Variants in DSG1 observed in about 807,000 individuals in gnomAD.
DSG1 encodes desmoglein-1.
In DSG1, 39 loss-of-function variants were observed where a neutral mutation model predicts 97.5. The ratio of observed to expected loss-of-function variants is 0.40; its 90% CI spans 0.31 to 0.52. DSG1 has a LOEUF of 0.52. Ranked by LOEUF, DSG1 falls within the 20% of genes least tolerant of loss-of-function variation. The probability of loss-of-function intolerance (pLI) is 0.53; values close to 1 mark genes in which losing one functional copy is unlikely to be tolerated. For missense variants in DSG1, 1,311 were observed against 1,295.4 expected, an observed-to-expected ratio of 1.01 and a Z score of -0.18; for synonymous variants, 475 against 443.4, an observed-to-expected ratio of 1.07 and a Z score of -0.90.
chr18:31,324,845 G>A (rs929433185), intron 1 of DSG1, among the ~76,000 whole-genome samples: 12 of 152,146 alleles, frequency 7.9e-5, no homozygotes, highest in African/African-American at 2.2e-4. Context: ...GTCAGAGTTA[G>A]CTTTAAAACC....
At chr18:31,344,994 A>G (rs761022374) in intron 13 of DSG1, among the ~76,000 whole-genome samples, 31 of 152,180 alleles carry the variant, frequency 2.0e-4, no homozygotes, top group African/African-American at 6.3e-4. Flanking sequence ...TGATTTGTCC[A>G]TTTTCATTAA....
At chr18:31,318,734 T>TA (rs559593933) in intron 1 of DSG1, among the ~76,000 whole-genome samples, 1 of 56,018 alleles carries the variant, frequency 1.8e-5, no homozygotes, top group Non-Finnish European at 5.9e-5. Context: ...TTTTTTTTTA[T>TA]TTTTTTTGTG....
chr18:31,353,679 G>A (rs1360331696), intron 14 of DSG1, among the ~76,000 whole-genome samples: 28 of 151,754 alleles, frequency 1.8e-4, no homozygotes, highest in Admixed American at 1.1e-3. Context: ...GTGGTGCGCC[G>A]TTTTTTAAGC....
rs543194579 is a variant in DSG1 at position 31,335,586 on chromosome 18, T to C, written c.1006-768T>C. Among the ~76,000 whole-genome samples the C allele has an allele frequency of 3.3e-5, 5 of 151,710 alleles. No individual in the cohort carries two copies. In the South Asian group the frequency reaches 1.0e-3, roughly 32 times the overall value. On this transcript the variant is annotated intron_variant, in intron 8 of 14. Coordinates refer to ENST00000257192, the MANE Select transcript of DSG1 (RefSeq NM_001942.4). ...TTACATCCATTCTTTGAATTGCAAA[T>C]AAAACCAATATTAGAACAAAGATTC...
chr18:31,346,074 G>T lies in DSG1; in HGVS notation c.1976G>T (p.Gly659Val), dbSNP rs766806740. Residue 659 changes from glycine (G) to valine (V), a missense_variant, in exon 14 of 15, where the codon GGA becomes GTA. Around this residue, in one of 3 missense-constraint regions of DSG1, gnomAD observed 1,038 missense variants for 964.6 expected, o/e 1.08. Transcript: ENST00000257192. ...ATGACAGGATTTGAACTAACAGAGG[G>T]AGTTAAAACTTCAGGAATGCCTGAG... ...ERMTGFELTE[G>V]VKTSGMPEIC... 1.2e-6 allele frequency: 2 copies of T among 1,613,876 alleles called. No homozygotes were observed. The highest frequency in any genetic ancestry group is 1.1e-5 in the South Asian group (1 of 91,082).
intron 14 of DSG1, among the ~76,000 whole-genome samples, chr18:31,353,722 G>T (rs2071924267): frequency 6.6e-6 from 1 of 152,170 alleles, no homozygotes; most frequent in Non-Finnish European, 1.5e-5. Context: ...GGGTGGGAGT[G>T]ACCCGATTTT....
chr18:31,339,261 T>C (rs1001089565), intron 10 of DSG1, among the ~76,000 whole-genome samples: 1 of 152,084 alleles, frequency 6.6e-6, no homozygotes. Flanking sequence ...TTTATTAAAA[T>C]ACAAAAGAAT....
At position 31,335,264 on chromosome 18, in the gene DSG1, T is replaced by C. The variant is rs116637507; in HGVS notation, c.1005+1062T>C. ...GAGAGCACAGAACCTGCATAAGTTC[T>C]CATAGCTAGTAAGTAGTGCAGCCAA... On this transcript the variant is annotated intron_variant, in intron 8 of 14. Coordinates refer to ENST00000257192, the MANE Select transcript of DSG1 (RefSeq NM_001942.4). Among the ~76,000 whole-genome samples the C allele has an allele frequency of 5.9e-3, 895 of 152,334 alleles. 4 individuals are homozygous for C. The highest frequency in any genetic ancestry group is 0.021 in the African/African-American group (853 of 41,580).
intron 1 of DSG1, among the ~76,000 whole-genome samples, chr18:31,321,062 T>A (rs1192500640): frequency 6.6e-6 from 1 of 152,110 alleles, no homozygotes; most frequent in African/African-American, 2.4e-5. Context: ...AGTAACCATT[T>A]TCCCCCTCTT....
rs141909106 is a variant in DSG1, at chr18:31,334,945, C to T, written c.1005+743C>T. Among the ~76,000 whole-genome samples the T allele has an allele frequency of 4.8e-4, 73 of 152,262 alleles. 1 individual carries two copies. The highest frequency in any genetic ancestry group is 3.4e-3 in the Middle Eastern group (1 of 294). On this transcript the variant is annotated intron_variant, in intron 8 of 14. Coordinates refer to ENST00000257192, the MANE Select transcript of DSG1 (RefSeq NM_001942.4). ...CACAGTCGATTTTTAAAATCTACAA[C>T]AGCTGTTTATGGATTGTATATGTTG... is the stretch of plus-strand genomic sequence containing the variant.
chr18:31,335,162 T>C (rs1373218898), intron 8 of DSG1, among the ~76,000 whole-genome samples: 1 of 152,186 alleles, frequency 6.6e-6, no homozygotes, highest in East Asian at 1.9e-4. Context: ...GCAGGTGCTT[T>C]AGTTTATCCC....
chr18:31,334,806 C>G (rs961607642), intron 8 of DSG1, among the ~76,000 whole-genome samples: 1 of 152,054 alleles, frequency 6.6e-6, no homozygotes, highest in Non-Finnish European at 1.5e-5. Context: ...TTATGTCCTC[C>G]CCATATTAAT....
At chr18:31,344,044 C>A (rs909076353) in intron 13 of DSG1, 49 bp downstream of exon 13, 1 of 1,281,826 alleles carries the variant, frequency 7.8e-7, no homozygotes, top group Non-Finnish European at 1.1e-6. Context: ...AGTAGGAAGT[C>A]TATTTTCTCT....
At chr18:31,343,757 G>A (rs1397278250) in intron 12 of DSG1, 169 bp from the exon 13 acceptor site, 1 of 1,178,478 alleles carries the variant, frequency 8.5e-7, no homozygotes, top group East Asian at 2.5e-5. Context: ...AAGTAACCAG[G>A]GAAGATTTTC....
At chr18:31,346,235 T>C in intron 14 of DSG1, 37 bp downstream of exon 14, 3 of 1,529,216 alleles carry the variant, frequency 2.0e-6, no homozygotes, top group South Asian at 2.3e-5. Context: ...TCGCCATCCA[T>C]GTGCCTGCTG....
chr18:31,351,238 T>C (rs941625252), intron 14 of DSG1, among the ~76,000 whole-genome samples: 5 of 150,042 alleles, frequency 3.3e-5, no homozygotes, highest in Non-Finnish European at 5.9e-5. Context: ...CCAGTAGTCA[T>C]TCAGGAGCAG....
At chr18:31,348,333 G>A (rs187489698) in intron 14 of DSG1, among the ~76,000 whole-genome samples, 227 of 151,846 alleles carry the variant, frequency 1.5e-3, no homozygotes, top group African/African-American at 4.7e-3. Flanking sequence ...ATTCCATGGC[G>A]TATATGTGCC....
In DSG1 at chr18:31,358,534, T is replaced by C. The variant is rs2144133660; in HGVS notation, c.*3188T>C. The stretch of plus-strand genomic sequence containing the variant: ...TCTTCAAAAATTACATTTTTTACTC[T>C]AGTAAGTAGATGTTTTTAGTTATCT... On this transcript the variant is annotated 3_prime_UTR_variant, in exon 15 of 15. Coordinates refer to ENST00000257192, the MANE Select transcript of DSG1 (RefSeq NM_001942.4). Among the ~76,000 whole-genome samples the C allele has an allele frequency of 6.6e-6, 1 of 152,216 alleles. No homozygotes were observed. Among genetic ancestry groups the C allele is most frequent in the Admixed American group, 6.5e-5 (1 of 15,284 alleles).
chr18:31,344,453 A>G, intron 13 of DSG1, among the ~76,000 whole-genome samples: 1 of 152,212 alleles, frequency 6.6e-6, no homozygotes, highest in East Asian at 1.9e-4. Flanking sequence ...AGGATTCAAA[A>G]TTGCTTTGAC....
Sources: allele counts gnomAD v4.1 joint callset (sites outside exome capture counted in the v4.1 genomes callset), GRCh38; gene constraint gnomAD v4.1.1; regional missense constraint gnomAD v4.1.1; transcripts MANE v1.5; gene names NCBI Gene and HGNC (gene_info 2026-07-23, HGNC 2026-07-21).